CEP128: variants seen among roughly 807,000 people sequenced by gnomAD.
CEP128 encodes the protein centrosomal protein 128, also known as centrosomal protein 128kDa.
CEP128 carries 132 observed loss-of-function variants against 156.7 expected under a neutral mutation model. That is an observed-to-expected ratio of 0.84 (90% CI 0.73 to 0.97). CEP128 has a LOEUF of 0.97. CEP128 is among the 50% of genes least tolerant of loss of function. CEP128 has a pLI of 0.00. For synonymous variants in CEP128, 469 were observed against 448.9 expected, an observed-to-expected ratio of 1.04 and a Z score of -0.57; for missense variants, 1,252 against 1,281.9, an observed-to-expected ratio of 0.98 and a Z score of 0.36.
At chr14:80,850,072 G>A (rs1886811050) in intron 9 of CEP128, among the ~76,000 whole-genome samples, 1 of 151,888 alleles carries the variant, frequency 6.6e-6, no homozygotes, top group Non-Finnish European at 1.5e-5. Flanking sequence ...GAAGGAGGAA[G>A]GAAGAAGGGA....
At chr14:80,682,987 C>A (rs1234142428) in intron 19 of CEP128, among the ~76,000 whole-genome samples, 1 of 151,872 alleles carries the variant, frequency 6.6e-6, no homozygotes, top group African/African-American at 2.4e-5. Context: ...TTGCCCACCA[C>A]CCCCACCAAA....
At chr14:80,751,828 G>A (rs569962200) in intron 18 of CEP128, among the ~76,000 whole-genome samples, 3 of 151,878 alleles carry the variant, frequency 2.0e-5, no homozygotes, top group Non-Finnish European at 2.9e-5. Flanking sequence ...TGGTGGTTTC[G>A]TCATGTTGGT....
At chr14:80,857,467 TC>T (rs1887245357) in intron 9 of CEP128, among the ~76,000 whole-genome samples, 1 of 151,980 alleles carries the variant, frequency 6.6e-6, no homozygotes, top group Non-Finnish European at 1.5e-5. Flanking sequence ...GCGTGGTGGC[TC>T]CCTCCCGTAA....
At chr14:80,834,386 A>C (rs1179423128) in intron 12 of CEP128, among the ~76,000 whole-genome samples, 1 of 152,194 alleles carries the variant, frequency 6.6e-6, no homozygotes, top group Non-Finnish European at 1.5e-5. Context: ...AGCAAATTGG[A>C]ATTGCTAGCA....
At chr14:80,702,402 T>G (rs1416487042) in intron 19 of CEP128, among the ~76,000 whole-genome samples, 1 of 152,212 alleles carries the variant, frequency 6.6e-6, no homozygotes. Context: ...GATTTATTGT[T>G]CCTTGTGTGT....
chr14:80,683,679 A>T (rs184950645), intron 19 of CEP128, among the ~76,000 whole-genome samples: 1 of 152,300 alleles, frequency 6.6e-6, no homozygotes, highest in East Asian at 1.9e-4. Flanking sequence ...TCTCTTCTGC[A>T]CATGAAACAC....
downstream of CEP128, among the ~76,000 whole-genome samples, chr14:80,494,286 G>A (rs562746110): frequency 6.6e-6 from 1 of 152,200 alleles, no homozygotes; most frequent in South Asian, 2.1e-4. Flanking sequence ...TTCCTCATTT[G>A]AAGGCCATGA....
intron 19 of CEP128, among the ~76,000 whole-genome samples, chr14:80,677,467 C>T (rs1014530948): frequency 2.8e-5 from 4 of 143,680 alleles, no homozygotes; most frequent in African/African-American, 7.6e-5. Flanking sequence ...CCAGATGGCG[C>T]CACTGCACTC....
At chr14:80,583,500 G>A (rs964116273) in intron 19 of CEP128, among the ~76,000 whole-genome samples, 2 of 152,170 alleles carry the variant, frequency 1.3e-5, no homozygotes, top group African/African-American at 4.8e-5. Context: ...GAGCATATGA[G>A]CTAAGCAACA....
At chr14:80,880,631 C>A (rs570789765) in intron 8 of CEP128, among the ~76,000 whole-genome samples, 61 of 151,252 alleles carry the variant, frequency 4.0e-4, no homozygotes, top group African/African-American at 1.3e-3. Context: ...CCAAGGTGGG[C>A]GGATCACGAG....
chr14:80,549,283 C>A (rs979458483), intron 21 of CEP128, among the ~76,000 whole-genome samples: 4 of 152,152 alleles, frequency 2.6e-5, no homozygotes, highest in African/African-American at 9.7e-5. Flanking sequence ...AGGGTTTGTG[C>A]AAAACCTTTT....
At chr14:80,683,406 C>T (rs1896400084) in intron 19 of CEP128, among the ~76,000 whole-genome samples, 1 of 151,180 alleles carries the variant, frequency 6.6e-6, no homozygotes, top group African/African-American at 2.5e-5. Context: ...CTCCATCCAA[C>T]AAGAAGACTT....
rs568717379 is a variant in CEP128, at chr14:80,756,081, T to C, written c.2613+811A>G. Among the ~76,000 whole-genome samples the C allele has an allele frequency of 2.0e-5, 3 of 152,310 alleles. No homozygotes were observed. In the East Asian group the frequency reaches 5.8e-4, roughly 29 times the overall value. Reference sequence around the variant, plus strand: ...AATTCTAAGTACATTGCTCTTGTTGTCAGAATTGTAAAGCTGAGGAAAAGA... The same window carrying C: ...AATTCTAAGTACATTGCTCTTGTTGCCAGAATTGTAAAGCTGAGGAAAAGA... On this transcript the variant is annotated intron_variant, in intron 18 of 24. Coordinates refer to ENST00000555265, the MANE Select transcript of CEP128 (RefSeq NM_152446.5).
At chr14:80,776,971 C>G (rs758510159) in intron 16 of CEP128, among the ~76,000 whole-genome samples, 5 of 152,124 alleles carry the variant, frequency 3.3e-5, no homozygotes, top group Admixed American at 2.0e-4. Flanking sequence ...AATAATTTTA[C>G]ACATCTACTC....
chr14:80,673,645 C>CAAAAAA (rs4016509), intron 19 of CEP128, among the ~76,000 whole-genome samples: 1,587 of 43,916 alleles, frequency 0.036, 281 homozygotes, highest in Non-Finnish European at 0.043. Flanking sequence ...GACTCCGTCT[C>CAAAAAA]AAAAAAAAAA....
At chr14:80,891,600 A>G (rs1438870553) in intron 8 of CEP128, among the ~76,000 whole-genome samples, 4 of 151,926 alleles carry the variant, frequency 2.6e-5, no homozygotes, top group African/African-American at 9.6e-5. Flanking sequence ...AAAAAAAAAA[A>G]AATAGCTGGA....
chr14:80,508,807 A>T (rs544011260), intron 23 of CEP128, among the ~76,000 whole-genome samples: 74 of 152,330 alleles, frequency 4.9e-4, no homozygotes, highest in African/African-American at 1.8e-3. Flanking sequence ...GTATATATTT[A>T]TGGAGTACAT....
intron 22 of CEP128, 29 bp downstream of exon 22, chr14:80,530,780 C>T: frequency 6.6e-7 from 1 of 1,505,024 alleles, no homozygotes; most frequent in Non-Finnish European, 9.1e-7. Context: ...AGATAAAATA[C>T]TGAAAGAGAC....
intron 21 of CEP128, among the ~76,000 whole-genome samples, chr14:80,558,537 C>A (rs1255154480): frequency 6.6e-6 from 1 of 152,132 alleles, no homozygotes; most frequent in African/African-American, 2.4e-5. Flanking sequence ...ATCCACCCGC[C>A]TCGGCCTCCC....
Sources: allele counts gnomAD v4.1 joint callset (sites outside exome capture counted in the v4.1 genomes callset), GRCh38; gene constraint gnomAD v4.1.1; transcripts MANE v1.5; gene names NCBI Gene and HGNC (gene_info 2026-07-23, HGNC 2026-07-21).